The following CHM variants were observed in gnomAD, a reference collection of about 807,000 sequenced individuals.
CHM encodes the protein CHM Rab escort protein.
Under a neutral mutation model 49.0 loss-of-function variants are expected in CHM, and 10 were observed. The observed-to-expected ratio is 0.20, with a 90% CI of 0.13 to 0.35. The LOEUF (loss-of-function observed/expected upper bound fraction) is 0.35. Among genes scored for constraint, CHM ranks in the 10% least tolerant of loss-of-function variants. The pLI is 1.00. For synonymous variants in CHM, 184 were observed against 167.5 expected, an observed-to-expected ratio of 1.10 and a Z score of -0.76; for missense variants, 455 against 478.4, an observed-to-expected ratio of 0.95 and a Z score of 0.46.
intron 11 of CHM, among the ~76,000 whole-genome samples, chrX:85,899,064 C>G (rs1926087681): frequency 8.9e-6 from 1 of 112,348 alleles, no homozygotes; most frequent in Non-Finnish European, 1.9e-5. Flanking sequence ...TAAGAAGCAG[C>G]TTTCAACTTA....
chrX:85,963,824 A>G lies in CHM; in HGVS notation c.543T>C (p.His181=), dbSNP rs750588346. ...GAEVTGEKEN[H]CDDKTCVPST... ...ATGGCACACAAGTTTTATCATCACA[A>G]TGGTTTTCTTTTTCCCCTGTCACTT... Residue 181 remains histidine (H), a synonymous_variant, in exon 5 of 15, where the codon CAT becomes CAC. Transcript: ENST00000357749. 10 of 1,209,891 alleles carry G rather than the reference A, an allele frequency of 8.3e-6. No homozygotes were observed. The highest frequency in any genetic ancestry group is 8.9e-6 in the Non-Finnish European group (8 of 895,307).
chrX:85,922,735 T>C (rs904719175), intron 8 of CHM, among the ~76,000 whole-genome samples: 1 of 112,080 alleles, frequency 8.9e-6, no homozygotes, highest in Non-Finnish European at 1.9e-5. Flanking sequence ...TGATCTTTCA[T>C]AGGCAATGAC....
chrX:85,949,534 G>C (rs1206538887), intron 8 of CHM, among the ~76,000 whole-genome samples: 1 of 110,073 alleles, frequency 9.1e-6, no homozygotes, highest in Non-Finnish European at 1.9e-5. Flanking sequence ...ACAGGAAGAG[G>C]GAAAGAGTAA....
At chrX:85,913,481 G>A (rs1927252880) in intron 8 of CHM, among the ~76,000 whole-genome samples, 1 of 109,687 alleles carries the variant, frequency 9.1e-6, no homozygotes, top group Admixed American at 9.8e-5. Context: ...GAAGACAGGA[G>A]TAGACGTCAG....
At chrX:85,945,842 G>T (rs1929377101) in intron 8 of CHM, among the ~76,000 whole-genome samples, 1 of 111,786 alleles carries the variant, frequency 8.9e-6, no homozygotes, top group Admixed American at 9.4e-5. Flanking sequence ...AAATGGCTCT[G>T]ATCAAAATGC....
intron 2 of CHM, among the ~76,000 whole-genome samples, chrX:86,021,126 GTATATATATATATA>G (rs3078128): frequency 0.012 from 689 of 55,954 alleles, 18 homozygotes; most frequent in East Asian, 0.1. Context: ...GTGTATATAC[GTATATATATATATA>G]TATATATATA....
chrX:85,971,625 A>G lies in CHM; in HGVS notation c.314+7142T>C, dbSNP rs185888563. On this transcript the variant is annotated intron_variant, in intron 4 of 14. Coordinates refer to ENST00000357749, the MANE Select transcript of CHM (RefSeq NM_000390.4). ...AGCAGCAAGATTTATTGCAAAGAGCAAAAGAGCAAAGCCTCCACAGTGTGG... is the reference window on the plus strand; with the variant it reads ...AGCAGCAAGATTTATTGCAAAGAGCGAAAGAGCAAAGCCTCCACAGTGTGG... 1.3e-3 allele frequency: 379 copies of G among 284,082 alleles called. 2 individuals are homozygous for G. The highest frequency in any genetic ancestry group is 9.4e-3 in the African/African-American group (335 of 35,555). The allele number at this position is 284,082 out of a possible 1,213,427, so 23.4% of individuals were successfully genotyped here.
At chrX:85,892,104 T>C (rs771495559) in intron 12 of CHM, among the ~76,000 whole-genome samples, 8 of 112,041 alleles carry the variant, frequency 7.1e-5, no homozygotes, top group Non-Finnish European at 1.3e-4. Flanking sequence ...GGACCCCCAT[T>C]GTATCTAGGA....
intron 2 of CHM, among the ~76,000 whole-genome samples, chrX:85,992,516 A>G (rs1932248081): frequency 9.0e-6 from 1 of 111,601 alleles, no homozygotes; most frequent in African/African-American, 3.3e-5. Context: ...GGTGACAAAT[A>G]ATAGAATAGG....
At chrX:85,976,047 AT>A (rs1246478114) in intron 4 of CHM, among the ~76,000 whole-genome samples, 1 of 112,120 alleles carries the variant, frequency 8.9e-6, no homozygotes, top group Admixed American at 9.4e-5. Context: ...AAAGGGTACA[AT>A]TTTTATTCTA....
At position 85,960,633 on chromosome X, in the gene CHM, T is replaced by G. The variant is rs750910010; in HGVS notation, c.703-1656A>C. Among the ~76,000 whole-genome samples the G allele has an allele frequency of 2.7e-5, 3 of 109,765 alleles. No individual in the cohort carries two copies. The South Asian group carries it at 1.2e-3, about 44-fold the overall frequency. On this transcript the variant is annotated intron_variant, in intron 5 of 14. Coordinates refer to ENST00000357749, the MANE Select transcript of CHM (RefSeq NM_000390.4). ...AGCACACAGGGTTTCACCATGTTGG[T>G]CAGGCTGGTCTCGAACTCCTGACCT...
At chrX:85,918,948 C>T (rs946795516) in intron 8 of CHM, among the ~76,000 whole-genome samples, 1 of 111,653 alleles carries the variant, frequency 9.0e-6, no homozygotes, top group African/African-American at 3.3e-5. Context: ...CAACACCCCA[C>T]TGATGGTGTT....
intron 2 of CHM, among the ~76,000 whole-genome samples, chrX:86,020,948 TTATC>T (rs201634328): frequency 0.059 from 5,889 of 99,902 alleles, 290 homozygotes; most frequent in African/African-American, 0.15. Flanking sequence ...ATATATATCA[TTATC>T]TATCAGAGAT....
chrX:85,911,612 C>T (rs894852810), intron 8 of CHM, among the ~76,000 whole-genome samples: 1 of 109,340 alleles, frequency 9.1e-6, no homozygotes, highest in Non-Finnish European at 1.9e-5. Context: ...AATTATCCCC[C>T]GAAAATCAGC....
chrX:86,002,362 CT>C (rs56720535), intron 2 of CHM, among the ~76,000 whole-genome samples: 49,493 of 108,210 alleles, frequency 0.46, 9,578 homozygotes, highest in Non-Finnish European at 0.6. Flanking sequence ...GTGTCTGGGT[CT>C]TTTTTTTTTA....
At chrX:85,989,994 A>G (rs1932103103) in intron 2 of CHM, among the ~76,000 whole-genome samples, 1 of 112,088 alleles carries the variant, frequency 8.9e-6, no homozygotes, top group African/African-American at 3.2e-5. Flanking sequence ...GTGGGTATAT[A>G]CCCAAAGGAA....
rs1488082195 is a variant in CHM, at chrX:85,874,292, CTGT to C, written c.1610-1083_1610-1081del. 4.5e-5 allele frequency among the ~76,000 whole-genome samples: 5 copies of C among 111,600 alleles called. No individual in the cohort carries two copies. The Admixed American group carries it at 4.8e-4, about 11-fold the overall frequency. Reference sequence around the variant, plus strand: ...TTCTGTTTGAAAACATAAAATACTGCTGTTGATACATTCATTGACTAGAGAGTT... The same window carrying C: ...TTCTGTTTGAAAACATAAAATACTGCTGATACATTCATTGACTAGAGAGTT... On this transcript the variant is annotated intron_variant, in intron 13 of 14. Coordinates refer to ENST00000357749, the MANE Select transcript of CHM (RefSeq NM_000390.4).
At chrX:85,938,795 G>A (rs182503988) in intron 8 of CHM, among the ~76,000 whole-genome samples, 34 of 110,327 alleles carry the variant, frequency 3.1e-4, no homozygotes, top group Non-Finnish European at 6.1e-4. Context: ...CCAGCCTTCC[G>A]TTGCTATTTT....
At chrX:86,041,744 A>G (rs1460735417) in intron 1 of CHM, among the ~76,000 whole-genome samples, 24 of 100,177 alleles carry the variant, frequency 2.4e-4, no homozygotes, top group African/African-American at 8.6e-4. Flanking sequence ...ATATATATAT[A>G]TATATATATA....
Sources: allele counts gnomAD v4.1 joint callset (sites outside exome capture counted in the v4.1 genomes callset), GRCh38; gene constraint gnomAD v4.1.1; transcripts MANE v1.5; gene names NCBI Gene and HGNC (gene_info 2026-07-23, HGNC 2026-07-21).